The following GIPC2 variants were observed in gnomAD, a reference collection of about 807,000 sequenced individuals.
The protein encoded by GIPC2 is GIPC PDZ domain containing family member 2.
In GIPC2, 30 loss-of-function variants were observed where a neutral mutation model predicts 30.6. The ratio of observed to expected loss-of-function variants is 0.98; its 90% confidence interval spans 0.73 to 1.33. The LOEUF is 1.33. GIPC2 is among the 40% of genes most tolerant of loss of function. The pLI is 0.00. For missense variants in GIPC2, 414 were observed against 390.3 expected, an observed-to-expected ratio of 1.06 and a Z score of -0.51; for synonymous variants, 167 against 150.0, an observed-to-expected ratio of 1.11 and a Z score of -0.83.
chr1:78,093,282 A>C (rs1207573086), intron 2 of GIPC2, among the ~76,000 whole-genome samples: 2 of 152,164 alleles, frequency 1.3e-5, no homozygotes, highest in African/African-American at 4.8e-5. Context: ...ACAGTTGAGA[A>C]ACTCTAGTTG....
At chr1:78,074,266 C>T (rs1461731596) in intron 1 of GIPC2, among the ~76,000 whole-genome samples, 1 of 152,140 alleles carries the variant, frequency 6.6e-6, no homozygotes, top group African/African-American at 2.4e-5. Flanking sequence ...TGCTTTGTCA[C>T]TCAGGCTAGA....
chr1:78,060,911 T>G (rs1036718381), intron 1 of GIPC2, among the ~76,000 whole-genome samples: 2 of 152,020 alleles, frequency 1.3e-5, no homozygotes, highest in African/African-American at 2.4e-5. Context: ...TTTTTTTTTT[T>G]TAACTCAATT....
At chr1:78,104,720 C>A (rs1662312350) in intron 3 of GIPC2, among the ~76,000 whole-genome samples, 1 of 152,044 alleles carries the variant, frequency 6.6e-6, no homozygotes, top group South Asian at 2.1e-4. Flanking sequence ...ATCCTAGGAG[C>A]CTGTGATAAC....
chr1:78,076,132 A>T (rs1402155966), intron 1 of GIPC2, among the ~76,000 whole-genome samples: 1 of 152,188 alleles, frequency 6.6e-6, no homozygotes, highest in East Asian at 1.9e-4. Context: ...CTTGGCCTAA[A>T]TTGGTAGTCA....
intron 1 of GIPC2, among the ~76,000 whole-genome samples, chr1:78,078,696 A>C (rs909402369): frequency 6.6e-6 from 1 of 152,234 alleles, no homozygotes; most frequent in Non-Finnish European, 1.5e-5. Context: ...AGTTTGTGTG[A>C]GATTTCCTTT....
intron 1 of GIPC2, among the ~76,000 whole-genome samples, chr1:78,047,904 G>C (rs1182030362): frequency 6.6e-6 from 1 of 152,156 alleles, no homozygotes; most frequent in African/African-American, 2.4e-5. Flanking sequence ...ATTTAAACTT[G>C]GATCTTCTGA....
chr1:78,107,286 C>G (rs1157158094), intron 3 of GIPC2, among the ~76,000 whole-genome samples: 1 of 151,914 alleles, frequency 6.6e-6, no homozygotes, highest in Non-Finnish European at 1.5e-5. Context: ...GCTGAGACCA[C>G]AGGTGCAGGC....
intron 1 of GIPC2, among the ~76,000 whole-genome samples, chr1:78,047,842 T>C (rs1023580331): frequency 6.6e-6 from 1 of 152,344 alleles, no homozygotes; most frequent in Non-Finnish European, 1.5e-5. Flanking sequence ...AAGTACAAAG[T>C]GATTGGCCCT....
At chr1:78,081,596 G>A (rs1661829907) in intron 2 of GIPC2, among the ~76,000 whole-genome samples, 3 of 152,104 alleles carry the variant, frequency 2.0e-5, no homozygotes, top group Non-Finnish European at 4.4e-5. Flanking sequence ...GATACCCAGG[G>A]CCAACTGTAA....
intron 1 of GIPC2, among the ~76,000 whole-genome samples, chr1:78,047,243 C>T (rs569426225): frequency 6.6e-6 from 1 of 152,158 alleles, no homozygotes; most frequent in Admixed American, 6.5e-5. Context: ...GTCCACATTT[C>T]TAGGAAAAGC....
At chr1:78,105,108 A>G (rs1662319908) in intron 3 of GIPC2, among the ~76,000 whole-genome samples, 1 of 152,178 alleles carries the variant, frequency 6.6e-6, no homozygotes, top group Admixed American at 6.5e-5. Flanking sequence ...ACCCAGCTGG[A>G]TACCTAAATA....
chr1:78,076,953 A>G (rs1239901923), intron 1 of GIPC2, among the ~76,000 whole-genome samples: 1 of 150,708 alleles, frequency 6.6e-6, no homozygotes, highest in Non-Finnish European at 1.5e-5. Flanking sequence ...TTTTATTTTT[A>G]GAGATGGGTT....
chr1:78,117,723 G>A (rs1006442646), intron 3 of GIPC2, among the ~76,000 whole-genome samples: 1 of 152,140 alleles, frequency 6.6e-6, no homozygotes, highest in Admixed American at 6.5e-5. Flanking sequence ...CCCCTGAACT[G>A]CTGCCATGTG....
intron 1 of GIPC2, among the ~76,000 whole-genome samples, chr1:78,080,020 T>C (rs1050408686): frequency 6.6e-6 from 1 of 150,474 alleles, no homozygotes; most frequent in African/African-American, 2.4e-5. Flanking sequence ...TTAAATTGGG[T>C]TAATAGTCTT....
intron 1 of GIPC2, among the ~76,000 whole-genome samples, chr1:78,050,573 A>C (rs1661177165): frequency 6.6e-6 from 1 of 152,240 alleles, no homozygotes; most frequent in Non-Finnish European, 1.5e-5. Flanking sequence ...TCTAAAGAAC[A>C]ATTAACTCCT....
chr1:78,070,202 C>A (rs967961196), intron 1 of GIPC2, among the ~76,000 whole-genome samples: 2 of 152,120 alleles, frequency 1.3e-5, no homozygotes, highest in African/African-American at 4.8e-5. Flanking sequence ...TAATTTGGAA[C>A]GTTTAATCCA....
At chr1:78,130,796 C>T (rs551208984) in intron 5 of GIPC2, among the ~76,000 whole-genome samples, 4 of 152,078 alleles carry the variant, frequency 2.6e-5, no homozygotes, top group South Asian at 2.1e-4. Flanking sequence ...GATTTTTAAC[C>T]GTAAAGATTT....
At chr1:78,045,095 G>C (rs1057411964), upstream of GIPC2, 6 of 982,406 alleles carry the variant, frequency 6.1e-6, no homozygotes, top group African/African-American at 1.7e-5. Flanking sequence ...CGCAGACCAA[G>C]TAAGATAAAA....
intron 3 of GIPC2, among the ~76,000 whole-genome samples, chr1:78,108,647 G>A (rs923971719): frequency 6.6e-6 from 1 of 152,128 alleles, no homozygotes; most frequent in Non-Finnish European, 1.5e-5. Flanking sequence ...AAATATTGGA[G>A]AGAGGAAGGA....
Sources: allele counts gnomAD v4.1 joint callset (sites outside exome capture counted in the v4.1 genomes callset), GRCh38; gene constraint gnomAD v4.1.1; transcripts MANE v1.5; gene names NCBI Gene and HGNC (gene_info 2026-07-23, HGNC 2026-07-21).